ZNF560: variants seen among roughly 807,000 people sequenced by gnomAD.
The protein encoded by ZNF560 is zinc finger protein 560.
ZNF560 carries 54 observed loss-of-function variants against 81.8 expected under a neutral mutation model. The observed-to-expected ratio is 0.66, with a 90% CI of 0.53 to 0.83. The LOEUF (loss-of-function observed/expected upper bound fraction) is 0.83, where lower values mean the gene tolerates loss of function less well. Ranked by LOEUF, ZNF560 falls within the 40% of genes least tolerant of loss-of-function variation. The pLI is 0.00. For synonymous variants in ZNF560, 321 were observed against 317.9 expected (o/e 1.01, Z -0.10); for missense variants, 940 against 932.4 (o/e 1.01, Z -0.11).
Position 9,469,147 on chromosome 19 carries a change from C to T in ZNF560, c.570G>A (p.Trp190Ter), listed in dbSNP as rs1218690853. Residue 190 changes from tryptophan to a stop codon, truncating the protein, a stop_gained, in exon 9 of 10, where the codon TGG (tryptophan) becomes TGA (stop). Coordinates refer to ENST00000301480, the MANE Select transcript of ZNF560 (RefSeq NM_152476.3). LOFTEE classifies it high-confidence loss of function. ...MCLKTKGPAL[W>*]QDNFCLKTLN... is the part of the protein sequence containing the mutation. ...ATGTTTTTAAACAAAAATTATCTTG[C>T]CAAAGGGCTGGCCCTTTGGTTTTCA... is the stretch of plus-strand genomic sequence containing the variant. The T allele has an allele frequency of 1.3e-6, 2 of 1,598,528 alleles. No individual in the cohort carries two copies. The highest frequency in any genetic ancestry group is 2.7e-5 in the African/African-American group (2 of 74,050).
the ZNF560 span, among the ~76,000 whole-genome samples, chr19:9,454,770 ACTGT>A: frequency 3.7e-3 from 566 of 152,254 alleles, 6 homozygotes; most frequent in African/African-American, 0.013. Flanking sequence ...TATTCCTATA[ACTGT>A]CTGGTCAGTG....
the ZNF560 span, among the ~76,000 whole-genome samples, chr19:9,506,258 G>A: frequency 3.3e-5 from 5 of 152,102 alleles, no homozygotes; most frequent in Non-Finnish European, 7.4e-5. Flanking sequence ...CTCCCAAAGT[G>A]TTGGGATTAC....
chr19:9,446,360 A>T, the ZNF560 span, among the ~76,000 whole-genome samples: 4 of 148,048 alleles, frequency 2.7e-5, no homozygotes, highest in South Asian at 8.6e-4. Context: ...AATTTTGCCA[A>T]GTCATACACA....
chr19:9,446,410 A>ACAC, the ZNF560 span, among the ~76,000 whole-genome samples: 2 of 149,042 alleles, frequency 1.3e-5, no homozygotes, highest in South Asian at 2.1e-4. Context: ...ACACACACAT[A>ACAC]AAATATAGGA....
chr19:9,496,970 C>T (rs1277108297), intron 2 of ZNF560, among the ~76,000 whole-genome samples: 1 of 151,768 alleles, frequency 6.6e-6, no homozygotes, highest in Admixed American at 6.6e-5. Context: ...TCATTTTCAA[C>T]AACGTAGATA....
chr19:9,447,346 C>A, the ZNF560 span, among the ~76,000 whole-genome samples: 1 of 151,900 alleles, frequency 6.6e-6, no homozygotes, highest in Non-Finnish European at 1.5e-5. Context: ...GTTGTGACAC[C>A]ACCAAAGGGT....
intron 2 of ZNF560, among the ~76,000 whole-genome samples, chr19:9,494,414 T>C (rs1457571305): frequency 2.0e-5 from 3 of 152,096 alleles, no homozygotes. Context: ...TAATGGAACA[T>C]GTTAAGCTTT....
intron 5 of ZNF560, among the ~76,000 whole-genome samples, chr19:9,471,926 C>T (rs977994294): frequency 6.6e-6 from 1 of 152,000 alleles, no homozygotes; most frequent in Non-Finnish European, 1.5e-5. Context: ...CTGGCTAACA[C>T]GGTGGAACAC....
At chr19:9,503,820 G>T in the ZNF560 span, among the ~76,000 whole-genome samples, 3 of 152,176 alleles carry the variant, frequency 2.0e-5, no homozygotes, top group Non-Finnish European at 4.4e-5. Context: ...TTACAGGCAT[G>T]AGTCATTGTG....
chr19:9,493,961 T>C (rs1421933917), intron 2 of ZNF560, among the ~76,000 whole-genome samples: 1 of 151,340 alleles, frequency 6.6e-6, no homozygotes, highest in Non-Finnish European at 1.5e-5. Context: ...GGTGAAACAC[T>C]GTCTCTACTA....
rs1236719007 is a variant in ZNF560, at chr19:9,467,664, C to A, written c.1283G>T (p.Arg428Ile). ...GLIEHIRCHA[R>I]EKTFKCDHCG... Reference sequence around the variant, plus strand: ...GTGGTCACATTTAAAGGTTTTCTCTCTGGCGTGACATCTTATATGTTCAAT... The same window carrying A: ...GTGGTCACATTTAAAGGTTTTCTCTATGGCGTGACATCTTATATGTTCAAT... Residue 428 changes from arginine (R) to isoleucine (I), a missense_variant, in exon 10 of 10, where the codon AGA becomes ATA. Transcript: ENST00000301480. 1 of 1,613,952 alleles carries A rather than the reference C, an allele frequency of 6.2e-7. No individual in the cohort carries two copies. The highest frequency in any genetic ancestry group is 8.5e-7 in the Non-Finnish European group (1 of 1,180,004).
chr19:9,447,483 CAT>C, the ZNF560 span, among the ~76,000 whole-genome samples: 13 of 151,902 alleles, frequency 8.6e-5, no homozygotes, highest in Non-Finnish European at 1.9e-4. Context: ...TCAACACAAA[CAT>C]AAAGCAATCA....
At chr19:9,459,958 C>T in the ZNF560 span, among the ~76,000 whole-genome samples, 2 of 151,648 alleles carry the variant, frequency 1.3e-5, no homozygotes, top group Admixed American at 6.6e-5. Context: ...GTCAGACAAG[C>T]AGGCCCTGCC....
rs1362234021 is a variant in ZNF560, at chr19:9,468,149, C to G, written c.798G>C (p.Val266=). ...GGAAAGATTTTCCATGCTTACTGAA[C>G]ACAGAAACTTTCCTTATGGTAGAGG... The part of the protein sequence containing the change: ...NKTSTIRKVS[V]FSKHGKSFRL... The change falls in exon 10 of 10, where the codon GTG becomes GTC. Residue 266 remains valine (V), a synonymous_variant. Coordinates refer to ENST00000301480, the MANE Select transcript of ZNF560 (RefSeq NM_152476.3). 1 of 1,614,078 alleles carries G rather than the reference C, an allele frequency of 6.2e-7. No homozygotes were observed. Among genetic ancestry groups the G allele is most frequent in the South Asian group, 1.1e-5 (1 of 91,068 alleles).
At chr19:9,450,158 G>A in the ZNF560 span, among the ~76,000 whole-genome samples, 1 of 151,110 alleles carries the variant, frequency 6.6e-6, no homozygotes, top group Non-Finnish European at 1.5e-5. Context: ...GGACGCAGTG[G>A]CAGGCGCCTG....
chr19:9,467,001 G>C lies in ZNF560; in HGVS notation c.1946C>G (p.Thr649Ser), dbSNP rs2073032200. The stretch of plus-strand genomic sequence containing the variant: ...TTTATAGGGTTTATATCCAGTGTGA[G>C]TTCTTAAATGATCAACTAGACTGGA... ...VSSSLVDHLR[T>S]HTGYKPYKCN... The change falls in exon 10 of 10, where the codon ACT becomes AGT. Residue 649 changes from threonine to serine, a missense_variant. Thr to Ser is a moderately conservative substitution (Grantham distance 58, BLOSUM62 1). Transcript: ENST00000301480. 1 of 1,613,662 alleles carries C rather than the reference G, an allele frequency of 6.2e-7. No individual in the cohort carries two copies. The highest frequency in any genetic ancestry group is 8.5e-7 in the Non-Finnish European group (1 of 1,179,942).
intron 5 of ZNF560, among the ~76,000 whole-genome samples, chr19:9,471,752 T>C (rs1450555697): frequency 6.6e-6 from 1 of 152,210 alleles, no homozygotes; most frequent in Non-Finnish European, 1.5e-5. Context: ...GTATCAAAAA[T>C]TGAATATTTT....
intron 2 of ZNF560, among the ~76,000 whole-genome samples, chr19:9,480,541 A>C (rs1294831015): frequency 6.6e-6 from 1 of 152,084 alleles, no homozygotes; most frequent in African/African-American, 2.4e-5. Flanking sequence ...AATAATAAAG[A>C]CCAGAACTGA....
intron 2 of ZNF560, among the ~76,000 whole-genome samples, chr19:9,484,090 GCAGCATGCTCGTTAAGAGT>G (rs2073347009): frequency 6.6e-6 from 1 of 152,080 alleles, no homozygotes; most frequent in Non-Finnish European, 1.5e-5. Flanking sequence ...ATGCTTGAAG[GCAGCATGCTCGTTAAGAGT>G]CATCACCACT....
Sources: gnomAD v4.1 joint callset for allele counts (sites outside exome capture counted in the v4.1 genomes callset) on GRCh38, gnomAD v4.1.1 for gene constraint, MANE v1.5 for transcripts, NCBI Gene and HGNC (gene_info 2026-07-23, HGNC 2026-07-21) for gene names.